Variants in PLA2G6 observed in about 807,000 individuals in gnomAD.
PLA2G6 encodes phospholipase A2 group VI.
PLA2G6 carries 62 observed loss-of-function variants against 83.8 expected under a neutral mutation model. That is an observed-to-expected ratio of 0.74 (90% CI 0.60 to 0.91). The LOEUF (loss-of-function observed/expected upper bound fraction) is 0.91. Ranked by LOEUF, PLA2G6 falls within the 40% of genes least tolerant of loss-of-function variation. The pLI is 0.00. For synonymous variants in PLA2G6, 417 were observed against 449.8 expected (o/e 0.93, Z 0.92); for missense variants, 944 against 1,102.0 (o/e 0.86, Z 2.03).
At position 38,116,070 on chromosome 22, in the gene PLA2G6, T is replaced by G; in HGVS notation, c.1879+5A>C. ...TCCCATGGATGCATCAAACATGGTT[T>G]AAACCTGAGGGCTGAGCTGGAGGCC... On this transcript the variant is annotated splice_donor_5th_base_variant and intron_variant, in intron 13 of 16. Transcript: ENST00000332509. 1 of 1,613,812 alleles carries G rather than the reference T, an allele frequency of 6.2e-7. No individual in the cohort carries two copies. The highest frequency in any genetic ancestry group is 1.1e-5 in the South Asian group (1 of 91,074).
intron 9 of PLA2G6, chr22:38,126,930 G>T (rs934921759): frequency 2.2e-6 from 2 of 903,470 alleles, no homozygotes; most frequent in Admixed American, 4.5e-5. Context: ...GACGTTCCTC[G>T]GGGTTTAAGT....
intron 3 of PLA2G6, chr22:38,143,518 C>A: frequency 1.6e-6 from 1 of 621,356 alleles, no homozygotes; most frequent in Non-Finnish European, 3.0e-6. Flanking sequence ...AGAGATGGGC[C>A]CCAGGGCCAC....
chr22:38,112,403 C>A, intron 16 of PLA2G6, 98 bp from the exon 17 acceptor site: 1 of 1,530,912 alleles, frequency 6.5e-7, no homozygotes, highest in East Asian at 2.4e-5. Context: ...AGAGCAGACC[C>A]TTGGGGAAGG....
chr22:38,147,060 C>A (rs887908531), intron 2 of PLA2G6: 2 of 152,194 alleles, frequency 1.3e-5, no homozygotes, highest in African/African-American at 4.8e-5. Context: ...GGATTACAGG[C>A]ATGAGCCACT....
chr22:38,119,245 A>G (rs1040088405), intron 12 of PLA2G6, among the ~76,000 whole-genome samples: 2 of 152,168 alleles, frequency 1.3e-5, no homozygotes, highest in Admixed American at 6.5e-5. Flanking sequence ...GCACAGAGAC[A>G]GCTTTCCAAC....
At chr22:38,131,301 C>G (rs1027998650) in intron 7 of PLA2G6, 1 of 152,096 alleles carries the variant, frequency 6.6e-6, no homozygotes, top group Non-Finnish European at 1.5e-5. Context: ...CTGGTGTACA[C>G]GAGCCACTGC....
chr22:38,149,233 A>T (rs1176770555), intron 2 of PLA2G6: 1 of 152,230 alleles, frequency 6.6e-6, no homozygotes, highest in Admixed American at 6.5e-5. Context: ...CTCACCAGGC[A>T]TATGTGGAGA....
intron 1 of PLA2G6, among the ~76,000 whole-genome samples, chr22:38,172,206 T>C (rs1434313989): frequency 6.6e-6 from 1 of 152,170 alleles, no homozygotes; most frequent in Non-Finnish European, 1.5e-5. Context: ...TTACTATTAT[T>C]ATCCTCATTT....
rs897175622 is a variant in PLA2G6, at chr22:38,127,333, C to T, written c.1349-884G>A. On this transcript the variant is annotated intron_variant, in intron 9 of 16. Coordinates refer to ENST00000332509, the MANE Select transcript of PLA2G6 (RefSeq NM_003560.4). ...GTGGTGTGTGCGCAGCTAAGAAGGACGGATTAGGGAGTGAGAGCTAGAGCT... is the reference window on the plus strand; with the variant it reads ...GTGGTGTGTGCGCAGCTAAGAAGGATGGATTAGGGAGTGAGAGCTAGAGCT... 2.8e-5 allele frequency: 36 copies of T among 1,295,914 alleles called. No individual in the cohort carries two copies. The African/African-American group carries it at 3.2e-4, about 11-fold the overall frequency. The allele number at this position is 1,295,914 out of a possible 1,614,324, so 80.3% of individuals were successfully genotyped here. A position where few individuals can be genotyped will look rare whatever the true frequency, so the allele number is the denominator to read the frequency against.
At chr22:38,165,486 C>T (rs537653009) in intron 2 of PLA2G6, among the ~76,000 whole-genome samples, 144 of 152,182 alleles carry the variant, frequency 9.5e-4, no homozygotes, top group Non-Finnish European at 1.5e-3. Context: ...TGGGCAAAGG[C>T]CAGGAGCACA....
intron 12 of PLA2G6, among the ~76,000 whole-genome samples, chr22:38,120,507 G>C (rs549815071): frequency 6.8e-6 from 1 of 146,424 alleles, no homozygotes; most frequent in Non-Finnish European, 1.5e-5. Context: ...GGGCAGAGCC[G>C]GGCAGGGCAG....
chr22:38,112,144 TG>T lies in PLA2G6; in HGVS notation c.*16del, dbSNP rs1303519392. The T allele has an allele frequency of 2.5e-6, 4 of 1,568,906 alleles. No individual in the cohort carries two copies. The African/African-American group carries it at 4.1e-5, about 16-fold the overall frequency. On this transcript the variant is annotated 3_prime_UTR_variant, in exon 17 of 17. Coordinates refer to ENST00000332509, the MANE Select transcript of PLA2G6 (RefSeq NM_003560.4). ...AATGGACGAGGTCAGCTGGGGCCGG[TG>T]AGAGGCTGGGGACCCTCAGGGTGAG... is the stretch of plus-strand genomic sequence containing the variant.
At chr22:38,126,912 T>A in intron 9 of PLA2G6, 1 of 737,678 alleles carries the variant, frequency 1.4e-6, no homozygotes, top group Non-Finnish European at 1.8e-6. Flanking sequence ...GTCAAAAGGC[T>A]GAGTCAGGAC....
intron 4 of PLA2G6, 167 bp downstream of exon 4, chr22:38,142,938 G>A (rs1363188840): frequency 2.4e-5 from 18 of 751,690 alleles, no homozygotes; most frequent in Non-Finnish European, 4.4e-5. Flanking sequence ...GGGCTGGGAG[G>A]GAAGAGCCAG....
chr22:38,164,876 C>T (rs549029391), intron 2 of PLA2G6, among the ~76,000 whole-genome samples: 1 of 152,252 alleles, frequency 6.6e-6, no homozygotes, highest in South Asian at 2.1e-4. Context: ...CTCCACAGAC[C>T]GCAGGGTGTT....
intron 9 of PLA2G6, chr22:38,126,912 T>C (rs1459460393): frequency 1.4e-6 from 1 of 737,676 alleles, no homozygotes; most frequent in Non-Finnish European, 1.8e-6. Flanking sequence ...GTCAAAAGGC[T>C]GAGTCAGGAC....
intron 2 of PLA2G6, among the ~76,000 whole-genome samples, chr22:38,151,175 G>A (rs2089540747): frequency 6.6e-6 from 1 of 151,258 alleles, no homozygotes; most frequent in African/African-American, 2.4e-5. Flanking sequence ...CATTTCTCTA[G>A]TCAAACAAAA....
intron 2 of PLA2G6, among the ~76,000 whole-genome samples, chr22:38,155,701 G>A (rs2089751224): frequency 6.6e-6 from 1 of 151,950 alleles, no homozygotes; most frequent in South Asian, 2.1e-4. Context: ...AAAATAAAAA[G>A]CAAGAAATTA....
At chr22:38,174,306 G>A (rs4820318) in intron 1 of PLA2G6, among the ~76,000 whole-genome samples, 59,859 of 151,744 alleles carry the variant, frequency 0.39, 12,062 homozygotes, top group South Asian at 0.49. Flanking sequence ...GCTGAGGCAG[G>A]AGAATGGCGT....
Sources: gnomAD v4.1 joint callset for allele counts (sites outside exome capture counted in the v4.1 genomes callset) on GRCh38, gnomAD v4.1.1 for gene constraint, MANE v1.5 for transcripts, NCBI Gene and HGNC (gene_info 2026-07-23, HGNC 2026-07-21) for gene names.